VPS72: variants seen among roughly 807,000 people sequenced by gnomAD.
The protein encoded by VPS72 is vacuolar protein sorting 72 homolog.
A neutral mutation model predicts 38.9 loss-of-function variants in VPS72; 27 were observed. The ratio of observed to expected loss-of-function variants is 0.69; its 90% CI spans 0.51 to 0.96. The LOEUF (loss-of-function observed/expected upper bound fraction) is 0.96. VPS72 is among the 40% of genes least tolerant of loss of function. VPS72 has a pLI of 0.00. For missense variants in VPS72, 360 were observed against 479.5 expected, an observed-to-expected ratio of 0.75 and a Z score of 2.33; for synonymous variants, 173 against 186.3, an observed-to-expected ratio of 0.93 and a Z score of 0.58.
intron 4 of VPS72, among the ~76,000 whole-genome samples, chr1:151,183,491 T>C (rs1684283651): frequency 7.0e-6 from 1 of 142,170 alleles, no homozygotes; most frequent in Non-Finnish European, 1.5e-5. Context: ...TCCAAACCAA[T>C]CGCTCTGTAG....
At chr1:151,179,672 C>T (rs1684197315) in intron 4 of VPS72, among the ~76,000 whole-genome samples, 3 of 152,054 alleles carry the variant, frequency 2.0e-5, no homozygotes, top group Admixed American at 1.3e-4. Flanking sequence ...GTGGGCAGAG[C>T]ACCTGAGGTC....
chr1:151,190,125 G>T lies in VPS72; in HGVS notation c.-4C>A. Reference sequence around the variant, plus strand: ...CCCGGCCCCCAGCCAAACTCATACCGCCTACCGAGACTGCGCCGCCACCTG... The same window carrying T: ...CCCGGCCCCCAGCCAAACTCATACCTCCTACCGAGACTGCGCCGCCACCTG... On this transcript the variant is annotated 5_prime_UTR_variant, in exon 1 of 6. Coordinates refer to ENST00000368892, the MANE Select transcript of VPS72 (RefSeq NM_005997.3). The T allele has an allele frequency of 6.2e-7, 1 of 1,612,594 alleles. No homozygotes were observed.
In VPS72 at chr1:151,186,124, C is replaced by T. The variant is rs146737958; in HGVS notation, c.118-174G>A. On this transcript the variant is annotated intron_variant, in intron 1 of 5. Coordinates refer to ENST00000368892, the MANE Select transcript of VPS72 (RefSeq NM_005997.3). ...TAGCTAATGGCCTTTGGCTCCAGTA[C>T]CACCTCCTTCCAACATTAATTGATA... is the stretch of plus-strand genomic sequence containing the variant. Among the ~76,000 whole-genome samples, 35 of 152,306 alleles carry T rather than the reference C, an allele frequency of 2.3e-4. No individual in the cohort carries two copies. The Middle Eastern group carries it at 0.01, about 44-fold the overall frequency.
In VPS72 at chr1:151,183,610, C is replaced by T. The variant is rs375406640; in HGVS notation, c.562+707G>A. On this transcript the variant is annotated intron_variant, in intron 4 of 5. Coordinates refer to ENST00000368892, the MANE Select transcript of VPS72 (RefSeq NM_005997.3). ...CCAAGTACCTGGGATTACAGACATG[C>T]GCCACCATGCCCAGCTAATTTTTGT... is the stretch of plus-strand genomic sequence containing the variant. Among the ~76,000 whole-genome samples the T allele has an allele frequency of 1.1e-4, 16 of 151,140 alleles. No homozygotes were observed. The South Asian group carries it at 1.7e-3, about 16-fold the overall frequency.
chr1:151,182,778 G>A (rs587664621), intron 4 of VPS72, among the ~76,000 whole-genome samples: 32 of 152,224 alleles, frequency 2.1e-4, no homozygotes, highest in Admixed American at 1.6e-3. Context: ...TCTCCAACTC[G>A]TTGGTCACTT....
chr1:151,187,723 T>A (rs1007328279), intron 1 of VPS72, among the ~76,000 whole-genome samples: 3 of 152,232 alleles, frequency 2.0e-5, no homozygotes, highest in Non-Finnish European at 2.9e-5. Flanking sequence ...GAAGAACTTG[T>A]ATGCTTCTTT....
intron 4 of VPS72, among the ~76,000 whole-genome samples, chr1:151,178,420 G>A (rs1025120350): frequency 2.0e-5 from 3 of 152,176 alleles, no homozygotes; most frequent in Non-Finnish European, 4.4e-5. Flanking sequence ...TTGATGAGGA[G>A]CTTATTTGCT....
intron 5 of VPS72, among the ~76,000 whole-genome samples, chr1:151,177,349 C>T (rs1157333451): frequency 2.1e-5 from 3 of 143,472 alleles, no homozygotes; most frequent in African/African-American, 7.8e-5. Flanking sequence ...CGTGCCATTA[C>T]ACTCCAGCCT....
In VPS72 at chr1:151,176,805, T is replaced by C; in HGVS notation, c.934A>G (p.Thr312Ala). ...RDPVTDIPYA[T>A]ARAFKIIREA... ...CGAATGATCTTGAAGGCTCGAGCAG[T>C]GGCATAGGGTATGTCTGTAACAGGG... is the stretch of plus-strand genomic sequence containing the variant. The change falls in exon 6 of 6, where the codon ACT becomes GCT. Residue 312 changes from threonine (T) to alanine (A), a missense_variant. Around this residue, in one of 2 missense-constraint regions of VPS72, gnomAD observed 294 missense variants for 356.3 expected, o/e 0.83. Coordinates refer to ENST00000368892, the MANE Select transcript of VPS72 (RefSeq NM_005997.3). The C allele has an allele frequency of 6.2e-7, 1 of 1,614,090 alleles. No homozygotes were observed. Among genetic ancestry groups the C allele is most frequent in the Non-Finnish European group, 8.5e-7 (1 of 1,180,016 alleles).
At chr1:151,187,688 A>C (rs1249503275) in intron 1 of VPS72, among the ~76,000 whole-genome samples, 1 of 152,210 alleles carries the variant, frequency 6.6e-6, no homozygotes, top group Non-Finnish European at 1.5e-5. Context: ...CCTAGGATTT[A>C]AGGCTGAAAA....
chr1:151,181,246 CT>C (rs60085121), intron 4 of VPS72, among the ~76,000 whole-genome samples: 55 of 135,994 alleles, frequency 4.0e-4, no homozygotes, highest in South Asian at 4.6e-4. Flanking sequence ...TGTCACTTTA[CT>C]TTTTTTTTTT....
chr1:151,183,907 A>C (rs1467178730), intron 4 of VPS72, among the ~76,000 whole-genome samples: 3 of 150,656 alleles, frequency 2.0e-5, no homozygotes, highest in Non-Finnish European at 4.4e-5. Flanking sequence ...TTTTTTTTTA[A>C]GAGATGGGGT....
At position 151,190,135 on chromosome 1, in the gene VPS72, A is replaced by C. The variant is rs1684435107; in HGVS notation, c.-14T>G. On this transcript the variant is annotated 5_prime_UTR_variant, in exon 1 of 6. Transcript: ENST00000368892. ...AGCCAAACTCATACCGCCTACCGAG[A>C]CTGCGCCGCCACCTGCAGCCCCTCA... is the stretch of plus-strand genomic sequence containing the variant. The C allele has an allele frequency of 6.2e-7, 1 of 1,611,836 alleles. No homozygotes were observed. The highest frequency in any genetic ancestry group is 8.5e-7 in the Non-Finnish European group (1 of 1,179,892).
At chr1:151,182,432 A>T (rs1244798651) in intron 4 of VPS72, among the ~76,000 whole-genome samples, 2 of 152,178 alleles carry the variant, frequency 1.3e-5, no homozygotes, top group Admixed American at 6.5e-5. Context: ...CACTATTAAT[A>T]ACCGTTTTTT....
intron 1 of VPS72, among the ~76,000 whole-genome samples, chr1:151,187,451 C>T (rs184712873): frequency 2.2e-4 from 33 of 152,308 alleles, no homozygotes; most frequent in Middle Eastern, 6.8e-3. Flanking sequence ...ACACATTAAT[C>T]CCCTCAGCTT....
intron 4 of VPS72, 97 bp downstream of exon 4, chr1:151,184,220 A>C: frequency 6.7e-7 from 1 of 1,487,766 alleles, no homozygotes; most frequent in South Asian, 1.3e-5. Flanking sequence ...CATCATCCCA[A>C]ATTTCCATCT....
At chr1:151,184,267 C>T (rs760255682) in intron 4 of VPS72, 50 bp downstream of exon 4, 54 of 1,584,150 alleles carry the variant, frequency 3.4e-5, no homozygotes, top group Non-Finnish European at 4.3e-5. Context: ...CATGGTTTTT[C>T]TCATGCCCCT....
intron 4 of VPS72, among the ~76,000 whole-genome samples, chr1:151,182,993 C>T (rs1684272380): frequency 6.6e-6 from 1 of 152,294 alleles, no homozygotes; most frequent in South Asian, 2.1e-4. Flanking sequence ...ACCAGATTTG[C>T]ATATTTAACT....
At position 151,188,745 on chromosome 1, in the gene VPS72, C is replaced by G. The variant is rs587728440; in HGVS notation, c.117+1260G>C. On this transcript the variant is annotated intron_variant, in intron 1 of 5. Transcript: ENST00000368892. ...AACTGTCCTCAGCTTAAACATCATC[C>G]CTCCAGGGATGCCTATCCTGATCAA... Among the ~76,000 whole-genome samples, 54 of 152,294 alleles carry G rather than the reference C, an allele frequency of 3.5e-4. 2 individuals carry two copies. The South Asian group carries it at 0.011, about 30-fold the overall frequency.
Sources: allele counts gnomAD v4.1 joint callset (sites outside exome capture counted in the v4.1 genomes callset), GRCh38; gene constraint gnomAD v4.1.1; regional missense constraint gnomAD v4.1.1; transcripts MANE v1.5; gene names NCBI Gene and HGNC (gene_info 2026-07-23, HGNC 2026-07-21).